UNC13C: variants seen among roughly 807,000 people sequenced by gnomAD.
UNC13C encodes unc-13 homolog C.
UNC13C carries 174 observed loss-of-function variants against 245.4 expected under a neutral mutation model. The ratio of observed to expected loss-of-function variants is 0.71; its 90% CI spans 0.63 to 0.80. UNC13C has a LOEUF of 0.80. UNC13C is among the 30% of genes least tolerant of loss of function. The probability of loss-of-function intolerance (pLI) is 0.00; values close to 1 mark genes in which losing one functional copy is unlikely to be tolerated. For missense variants in UNC13C, 2,829 were observed against 2,602.9 expected (o/e 1.09, Z -1.89); for synonymous variants, 992 against 895.1 (o/e 1.11, Z -1.93).
chr15:54,171,021 AAAAC>A (rs1260401307), intron 4 of UNC13C, among the ~76,000 whole-genome samples: 16 of 152,182 alleles, frequency 1.1e-4, no homozygotes, highest in African/African-American at 3.6e-4. Context: ...TATATGCAGT[AAAAC>A]AAGCCCTTTT....
intron 30 of UNC13C, among the ~76,000 whole-genome samples, chr15:54,590,054 C>T (rs999611680): frequency 4.6e-5 from 7 of 152,240 alleles, no homozygotes; most frequent in Non-Finnish European, 2.9e-5. Flanking sequence ...GTGTCCTTTT[C>T]CCACTTTATG....
At chr15:54,112,706 G>T (rs1042172920) in intron 2 of UNC13C, among the ~76,000 whole-genome samples, 5 of 152,150 alleles carry the variant, frequency 3.3e-5, no homozygotes, top group Non-Finnish European at 5.9e-5. Context: ...TTTTGGTGCT[G>T]CTTTTTATAA....
chr15:54,385,307 G>A (rs1047055398), intron 17 of UNC13C, among the ~76,000 whole-genome samples: 2 of 152,004 alleles, frequency 1.3e-5, no homozygotes, highest in Admixed American at 6.6e-5. Flanking sequence ...TGTTCATCAA[G>A]GGAACAACAG....
At position 54,250,241 on chromosome 15, in the gene UNC13C, A is replaced by G; in HGVS notation, c.3245A>G (p.Lys1082Arg). 1 of 1,614,002 alleles carries G rather than the reference A, an allele frequency of 6.2e-7. No homozygotes were observed. Residue 1082 changes from lysine to arginine, a missense_variant, in exon 8 of 33, where the codon AAG becomes AGG. Lys to Arg is a conservative substitution (Grantham distance 26). Coordinates refer to ENST00000260323, the MANE Select transcript of UNC13C (RefSeq NM_001080534.3). ...NNEELKMHVFKKTLQALIYPM... is the reference protein window; with the variant it reads ...NNEELKMHVFRKTLQALIYPM... ...TGTTCACAGAAAATGCACGTCTTCAAGAAGACCTTGCAGGCACTGATCTAC... is the reference window on the plus strand; with the variant it reads ...TGTTCACAGAAAATGCACGTCTTCAGGAAGACCTTGCAGGCACTGATCTAC...
chr15:54,572,779 G>C (rs923712173), intron 30 of UNC13C, among the ~76,000 whole-genome samples: 4 of 152,020 alleles, frequency 2.6e-5, no homozygotes, highest in Admixed American at 2.0e-4. Context: ...GTTTCAAACT[G>C]CATTGAATCA....
At chr15:54,536,657 G>A (rs893885767) in intron 26 of UNC13C, among the ~76,000 whole-genome samples, 2 of 152,012 alleles carry the variant, frequency 1.3e-5, no homozygotes, top group Non-Finnish European at 2.9e-5. Flanking sequence ...TTTATTCCTA[G>A]GATGCAAGGT....
intron 2 of UNC13C, among the ~76,000 whole-genome samples, chr15:54,059,509 G>C (rs1215956566): frequency 6.6e-6 from 1 of 152,140 alleles, no homozygotes; most frequent in African/African-American, 2.4e-5. Context: ...TGGGTAGGAA[G>C]AATCAATATC....
intron 2 of UNC13C, among the ~76,000 whole-genome samples, chr15:54,028,955 A>G (rs1339371917): frequency 1.3e-5 from 2 of 152,230 alleles, no homozygotes; most frequent in Non-Finnish European, 2.9e-5. Flanking sequence ...CAGCCAAACC[A>G]GTAAGTAATC....
At chr15:54,520,050 T>C (rs1266312102) in intron 24 of UNC13C, among the ~76,000 whole-genome samples, 2 of 152,154 alleles carry the variant, frequency 1.3e-5, no homozygotes, top group East Asian at 3.8e-4. Context: ...GAAAGCCAGC[T>C]TGAAGGATGA....
At chr15:54,096,883 TAA>T (rs1899896859) in intron 2 of UNC13C, among the ~76,000 whole-genome samples, 1 of 152,232 alleles carries the variant, frequency 6.6e-6, no homozygotes, top group South Asian at 2.1e-4. Flanking sequence ...GGATATATGA[TAA>T]AAATAACAAT....
chr15:54,511,852 A>T (rs1171822322), intron 24 of UNC13C, 22 bp downstream of exon 24: 4 of 1,563,294 alleles, frequency 2.6e-6, no homozygotes, highest in Non-Finnish European at 3.5e-6. Context: ...TTTCTCCTAC[A>T]TTTGCTAAAA....
intron 30 of UNC13C, among the ~76,000 whole-genome samples, chr15:54,604,584 C>T (rs1054396806): frequency 6.6e-6 from 1 of 152,132 alleles, no homozygotes; most frequent in African/African-American, 2.4e-5. Flanking sequence ...ATATTGATTC[C>T]AGAAAATAAG....
rs555802798 is a variant in UNC13C at position 54,401,123 on chromosome 15, A to G, written c.4847+7942A>G. Among the ~76,000 whole-genome samples the G allele has an allele frequency of 8.5e-5, 13 of 152,308 alleles. No individual in the cohort carries two copies. The South Asian group carries it at 2.7e-3, about 32-fold the overall frequency. On this transcript the variant is annotated intron_variant, in intron 18 of 32. Coordinates refer to ENST00000260323, the MANE Select transcript of UNC13C (RefSeq NM_001080534.3). ...TACCCATATGTGTAATAAATATAGG[A>G]AAGATAAGGTAAATATTTAATTATT...
intron 2 of UNC13C, among the ~76,000 whole-genome samples, chr15:54,028,684 C>CTTTTTTTTTTTTTTTTT (rs58264883): frequency 1.1e-5 from 1 of 87,082 alleles, no homozygotes; most frequent in African/African-American, 4.6e-5. Context: ...GCCTACAAGT[C>CTTTTTTTTTTTTTTTTT]TTTTTTTTTT....
chr15:53,891,234 G>A, the UNC13C span, among the ~76,000 whole-genome samples: 9 of 152,146 alleles, frequency 5.9e-5, no homozygotes, highest in African/African-American at 2.2e-4. Flanking sequence ...GAGACTGTTT[G>A]TTATGATTTC....
At position 54,531,209 on chromosome 15, in the gene UNC13C, G is replaced by A. The variant is rs574624559; in HGVS notation, c.5547-1708G>A. 3.9e-5 allele frequency among the ~76,000 whole-genome samples: 6 copies of A among 152,238 alleles called. No individual in the cohort carries two copies. The East Asian group carries it at 1.2e-3, about 29-fold the overall frequency. On this transcript the variant is annotated intron_variant, in intron 25 of 32. Coordinates refer to ENST00000260323, the MANE Select transcript of UNC13C (RefSeq NM_001080534.3). ...TGGGTTAGAAGTCAGGTCTGCAGAT[G>A]TGAATTTGAGAACCACCAGTATATA...
At chr15:54,574,649 T>C (rs1474846685) in intron 30 of UNC13C, among the ~76,000 whole-genome samples, 1 of 152,192 alleles carries the variant, frequency 6.6e-6, no homozygotes, top group Admixed American at 6.5e-5. Flanking sequence ...AAAGGGATAT[T>C]TTATATAGAA....
intron 30 of UNC13C, among the ~76,000 whole-genome samples, chr15:54,612,850 C>T (rs973244908): frequency 6.6e-5 from 10 of 151,884 alleles, no homozygotes; most frequent in African/African-American, 2.4e-4. Flanking sequence ...ATAGTTGAAA[C>T]CAATCTTTTC....
the UNC13C span, among the ~76,000 whole-genome samples, chr15:53,885,173 C>T: frequency 6.6e-6 from 1 of 152,212 alleles, no homozygotes; most frequent in Non-Finnish European, 1.5e-5. Flanking sequence ...GTTCTTTGAA[C>T]AAACGGAAAT....
Sources: allele counts gnomAD v4.1 joint callset (sites outside exome capture counted in the v4.1 genomes callset), GRCh38; gene constraint gnomAD v4.1.1; transcripts MANE v1.5; gene names NCBI Gene and HGNC (gene_info 2026-07-23, HGNC 2026-07-21).